The following ANGPT1 variants were observed in gnomAD, a reference collection of about 807,000 sequenced individuals.
ANGPT1 encodes angiopoietin 1.
ANGPT1 carries 17 observed loss-of-function variants against 62.2 expected under a neutral mutation model. The ratio of observed to expected loss-of-function variants is 0.27; its 90% CI spans 0.19 to 0.41. The LOEUF (loss-of-function observed/expected upper bound fraction) is 0.41. Among genes scored for constraint, ANGPT1 ranks in the 10% least tolerant of loss-of-function variants. The pLI, the probability that ANGPT1 is intolerant of heterozygous loss-of-function variation, is 1.00. For synonymous variants in ANGPT1, 199 were observed against 198.9 expected, an observed-to-expected ratio of 1.00 and a Z score of 0.00; for missense variants, 478 against 594.9, an observed-to-expected ratio of 0.80 and a Z score of 2.04.
intron 1 of ANGPT1, among the ~76,000 whole-genome samples, chr8:107,396,959 G>A (rs1297745523): frequency 6.6e-6 from 1 of 152,108 alleles, no homozygotes; most frequent in Non-Finnish European, 1.5e-5. Context: ...TAGTGAGGAT[G>A]TTCAGTAAGG....
intron 2 of ANGPT1, among the ~76,000 whole-genome samples, chr8:107,340,533 G>A (rs1033354036): frequency 2.6e-5 from 4 of 152,008 alleles, no homozygotes; most frequent in Admixed American, 2.6e-4. Context: ...AGAGATTGAG[G>A]TAGAAAGAAA....
At chr8:107,286,614 G>A (rs1814147683) in intron 6 of ANGPT1, among the ~76,000 whole-genome samples, 1 of 152,000 alleles carries the variant, frequency 6.6e-6, no homozygotes, top group African/African-American at 2.4e-5. Flanking sequence ...TAACATATGT[G>A]TACACTTTTA....
rs141263214 is a variant in ANGPT1, at chr8:107,461,406, T to A, written c.297+35856A>T. ...GTATTTCTTTATACCTCTTAATTCT[T>A]ACTATTAATCAGCTTAAGATTCGGT... On this transcript the variant is annotated intron_variant, in intron 1 of 8. Coordinates refer to ENST00000517746, the MANE Select transcript of ANGPT1 (RefSeq NM_001146.5). Among the ~76,000 whole-genome samples the A allele has an allele frequency of 6.4e-3, 971 of 152,296 alleles. 7 individuals carry two copies. Among genetic ancestry groups the A allele is most frequent in the African/African-American group, 0.023 (938 of 41,572 alleles).
At chr8:107,458,852 A>C (rs577274315) in intron 1 of ANGPT1, among the ~76,000 whole-genome samples, 2 of 152,238 alleles carry the variant, frequency 1.3e-5, no homozygotes, top group East Asian at 3.9e-4. Context: ...CTATCAAATA[A>C]ATTCTATTAT....
chr8:107,398,232 T>A (rs1816974286), intron 1 of ANGPT1, among the ~76,000 whole-genome samples: 1 of 152,216 alleles, frequency 6.6e-6, no homozygotes, highest in South Asian at 2.1e-4. Context: ...TTTGATTCCA[T>A]TGAAAATTGT....
intron 1 of ANGPT1, among the ~76,000 whole-genome samples, chr8:107,436,792 C>G (rs912456736): frequency 6.6e-6 from 1 of 152,090 alleles, no homozygotes; most frequent in South Asian, 2.1e-4. Context: ...TTAAAGTGCT[C>G]GTACTGGGAC....
At chr8:107,467,342 G>C (rs1288449873) in intron 1 of ANGPT1, among the ~76,000 whole-genome samples, 1 of 151,152 alleles carries the variant, frequency 6.6e-6, no homozygotes, top group Non-Finnish European at 1.5e-5. Context: ...ATAAACTGTT[G>C]GAAAAGAGGC....
At chr8:107,364,516 A>G (rs1326367445) in intron 1 of ANGPT1, among the ~76,000 whole-genome samples, 1 of 152,148 alleles carries the variant, frequency 6.6e-6, no homozygotes, top group Non-Finnish European at 1.5e-5. Context: ...CCAGACCTCA[A>G]GCCAGCCACC....
At chr8:107,459,060 A>G (rs1293311191) in intron 1 of ANGPT1, among the ~76,000 whole-genome samples, 4 of 152,262 alleles carry the variant, frequency 2.6e-5, no homozygotes, top group African/African-American at 7.2e-5. Context: ...TCAGTGCATT[A>G]GAAGGGCTGA....
chr8:107,265,177 C>G (rs1813583883), intron 7 of ANGPT1, among the ~76,000 whole-genome samples: 1 of 152,084 alleles, frequency 6.6e-6, no homozygotes, highest in South Asian at 2.1e-4. Context: ...CAGTGGCCCT[C>G]TAATGGATGT....
intron 1 of ANGPT1, among the ~76,000 whole-genome samples, chr8:107,442,245 T>C (rs1212405228): frequency 6.6e-6 from 1 of 152,166 alleles, no homozygotes; most frequent in African/African-American, 2.4e-5. Context: ...CATCACAAAA[T>C]ACTTCTATTG....
chr8:107,321,169 GTGGA>G (rs1815140923), intron 4 of ANGPT1, among the ~76,000 whole-genome samples: 1 of 151,932 alleles, frequency 6.6e-6, no homozygotes, highest in Admixed American at 6.6e-5. Context: ...TAATTGTTAG[GTGGA>G]TGGATGGATA....
chr8:107,386,064 T>TA (rs943604263), intron 1 of ANGPT1, among the ~76,000 whole-genome samples: 30 of 151,394 alleles, frequency 2.0e-4, no homozygotes, highest in African/African-American at 4.6e-4. Context: ...ACACAGATAT[T>TA]AAAAAAAAAT....
chr8:107,266,099 G>C (rs576329318), intron 7 of ANGPT1, among the ~76,000 whole-genome samples: 2 of 152,072 alleles, frequency 1.3e-5, no homozygotes, highest in Non-Finnish European at 2.9e-5. Context: ...AAAACTCTGA[G>C]AGGCAGACTA....
intron 3 of ANGPT1, among the ~76,000 whole-genome samples, chr8:107,327,292 T>C (rs1051568649): frequency 6.6e-6 from 1 of 152,112 alleles, no homozygotes; most frequent in African/African-American, 2.4e-5. Flanking sequence ...ATTTTCGTTA[T>C]CCAGGTCCGT....
chr8:107,409,079 A>G (rs1817207250), intron 1 of ANGPT1, among the ~76,000 whole-genome samples: 1 of 152,186 alleles, frequency 6.6e-6, no homozygotes, highest in Non-Finnish European at 1.5e-5. Flanking sequence ...TTCTATTATT[A>G]TGCATGCAAC....
At chr8:107,329,224 T>A (rs1815363953) in intron 3 of ANGPT1, among the ~76,000 whole-genome samples, 3 of 152,082 alleles carry the variant, frequency 2.0e-5, no homozygotes. Context: ...AGAAAACATC[T>A]GGAAGAGTAA....
At chr8:107,477,675 G>A (rs117112058) in intron 1 of ANGPT1, among the ~76,000 whole-genome samples, 1 of 152,002 alleles carries the variant, frequency 6.6e-6, no homozygotes, top group East Asian at 1.9e-4. Flanking sequence ...GCCACATTAA[G>A]TCTTGGAGAA....
At chr8:107,446,736 A>T (rs993541052) in intron 1 of ANGPT1, among the ~76,000 whole-genome samples, 5 of 152,160 alleles carry the variant, frequency 3.3e-5, no homozygotes, top group African/African-American at 1.2e-4. Context: ...AACTTAATAG[A>T]CCAGTTATGT....
Sources: gnomAD v4.1 joint callset for allele counts (sites outside exome capture counted in the v4.1 genomes callset) on GRCh38, gnomAD v4.1.1 for gene constraint, MANE v1.5 for transcripts, NCBI Gene and HGNC (gene_info 2026-07-23, HGNC 2026-07-21) for gene names.